Variants in ITPR2 observed in about 807,000 individuals in gnomAD.
ITPR2 encodes inositol 1,4,5-trisphosphate-gated calcium channel ITPR2.
In ITPR2, 207 loss-of-function variants were observed where a neutral mutation model predicts 317.1. The ratio of observed to expected loss-of-function variants is 0.65; its 90% CI spans 0.58 to 0.73. The LOEUF is 0.73. Ranked by LOEUF, ITPR2 falls within the 30% of genes least tolerant of loss-of-function variation. The pLI, the probability that ITPR2 is intolerant of heterozygous loss-of-function variation, is 0.00. For missense variants in ITPR2, 2,613 were observed against 3,284.0 expected (o/e 0.80, Z 4.99); for synonymous variants, 1,156 against 1,149.1 (o/e 1.01, Z -0.12).
At chr12:26,345,017 G>A (rs1204027140) in intron 55 of ITPR2, among the ~76,000 whole-genome samples, 1 of 151,730 alleles carries the variant, frequency 6.6e-6, no homozygotes, top group Non-Finnish European at 1.5e-5. Context: ...TCTGCTTCTT[G>A]TTCCACTCCT....
chr12:26,387,648 C>T (rs2136629258), intron 54 of ITPR2, 54 bp from the exon 55 acceptor site: 1 of 1,512,624 alleles, frequency 6.6e-7, no homozygotes, highest in Non-Finnish European at 9.0e-7. Flanking sequence ...TCAGTACTTG[C>T]TTCTTAGCAT....
intron 37 of ITPR2, 189 bp from the exon 38 acceptor site, chr12:26,495,449 T>G: frequency 3.9e-6 from 2 of 513,774 alleles, no homozygotes; most frequent in Non-Finnish European, 3.5e-6. Context: ...ATTTTGCTTC[T>G]CATAATAAAT....
At position 26,358,648 on chromosome 12, in the gene ITPR2, G is replaced by C. The variant is rs74796134; in HGVS notation, c.7858-18320C>G. ...TGAATTCTGTGTATTACAAATAATT[G>C]ATGATGTTGGGCACATCTCAGAACA... On this transcript the variant is annotated intron_variant, in intron 55 of 56. Transcript: ENST00000381340. Among the ~76,000 whole-genome samples the C allele has an allele frequency of 5.3e-4, 81 of 151,984 alleles. 2 individuals carry two copies. The East Asian group carries it at 0.015, about 29-fold the overall frequency.
At position 26,722,384 on chromosome 12, in the gene ITPR2, G is replaced by T; in HGVS notation, c.525+13C>A. On this transcript the variant is annotated intron_variant, in intron 5 of 56. Transcript: ENST00000381340. ...TGAACCCACTATTTCCCTCTTAATT[G>T]TATATTACATACATTGTCACCCTCG... 6.3e-7 allele frequency: 1 copy of T among 1,596,266 alleles called. No individual in the cohort carries two copies. Among genetic ancestry groups the T allele is most frequent in the Non-Finnish European group, 8.5e-7 (1 of 1,170,856 alleles).
At chr12:26,570,547 T>C (rs1200368162) in intron 34 of ITPR2, among the ~76,000 whole-genome samples, 1 of 152,208 alleles carries the variant, frequency 6.6e-6, no homozygotes, top group African/African-American at 2.4e-5. Flanking sequence ...ATGTACAATT[T>C]TTTGGGACAA....
At chr12:26,679,697 TG>T (rs1191817228) in intron 13 of ITPR2, among the ~76,000 whole-genome samples, 2 of 152,190 alleles carry the variant, frequency 1.3e-5, no homozygotes, top group Non-Finnish European at 2.9e-5. Context: ...TTTATTTTTT[TG>T]TATTTCAAAA....
At chr12:26,784,492 C>T (rs61920583) in intron 2 of ITPR2, among the ~76,000 whole-genome samples, 53,330 of 148,850 alleles carry the variant, frequency 0.36, 11,701 homozygotes, top group Non-Finnish European at 0.52. Context: ...CTGCGCACGC[C>T]GCCACGCCTG....
chr12:26,586,761 T>C (rs1423985743), intron 32 of ITPR2, among the ~76,000 whole-genome samples: 1 of 152,104 alleles, frequency 6.6e-6, no homozygotes, highest in African/African-American at 2.4e-5. Context: ...ACAAAATATA[T>C]AAAAACCACT....
At chr12:26,479,832 A>G (rs1024068441) in intron 43 of ITPR2, among the ~76,000 whole-genome samples, 4 of 152,186 alleles carry the variant, frequency 2.6e-5, no homozygotes, top group African/African-American at 9.7e-5. Context: ...CCAGCTTATC[A>G]GGAGGCAGAT....
chr12:26,420,235 T>A (rs889844542), intron 49 of ITPR2, among the ~76,000 whole-genome samples: 3 of 152,116 alleles, frequency 2.0e-5, no homozygotes, highest in African/African-American at 7.2e-5. Flanking sequence ...AATTACAGAT[T>A]TCAAGGGTTT....
intron 51 of ITPR2, among the ~76,000 whole-genome samples, chr12:26,414,801 A>T (rs1049861249): frequency 1.3e-5 from 2 of 152,138 alleles, no homozygotes; most frequent in Admixed American, 1.3e-4. Context: ...TATTTTGAGC[A>T]TGTCTTCCTT....
chr12:26,786,449 T>TAAAAAAAAA (rs59014121), intron 2 of ITPR2, among the ~76,000 whole-genome samples: 11 of 119,222 alleles, frequency 9.2e-5, no homozygotes, highest in African/African-American at 3.7e-4. Flanking sequence ...GAATGATCAA[T>TAAAAAAAAA]AAAAAAAAAA....
At chr12:26,530,778 G>A (rs910968780) in intron 37 of ITPR2, among the ~76,000 whole-genome samples, 2 of 151,436 alleles carry the variant, frequency 1.3e-5, no homozygotes, top group African/African-American at 4.8e-5. Context: ...AATAAATTCA[G>A]AAAAAAAAGA....
intron 22 of ITPR2, 42 bp from the exon 23 acceptor site, chr12:26,628,204 C>T: frequency 1.0e-5 from 15 of 1,503,096 alleles, no homozygotes; most frequent in East Asian, 2.3e-5. Flanking sequence ...CTTTCATTAG[C>T]ATAGTATTTA....
chr12:26,622,688 A>T (rs1025165275), intron 24 of ITPR2, among the ~76,000 whole-genome samples: 1 of 152,206 alleles, frequency 6.6e-6, no homozygotes, highest in African/African-American at 2.4e-5. Flanking sequence ...CTTGGCATAG[A>T]CAAAAGATGG....
At chr12:26,752,597 G>C (rs1949444807) in intron 2 of ITPR2, among the ~76,000 whole-genome samples, 2 of 152,188 alleles carry the variant, frequency 1.3e-5, no homozygotes, top group African/African-American at 4.8e-5. Context: ...TTTAGCATAT[G>C]ATCAAGAAAT....
rs1941540903 is a variant in ITPR2, at chr12:26,443,654, G to C, written c.6343-4C>G. ...ACAGTTTATTGTGGCGGGCCAACTAGAGTAGGGAAAAAATAAAGGTTTTAG... is the reference window on the plus strand; with the variant it reads ...ACAGTTTATTGTGGCGGGCCAACTACAGTAGGGAAAAAATAAAGGTTTTAG... On this transcript the variant is annotated splice_region_variant and splice_polypyrimidine_tract_variant and intron_variant, in intron 45 of 56. Coordinates refer to ENST00000381340, the MANE Select transcript of ITPR2 (RefSeq NM_002223.4). The C allele has an allele frequency of 6.2e-7, 1 of 1,611,214 alleles. No individual in the cohort carries two copies. The highest frequency in any genetic ancestry group is 1.1e-5 in the South Asian group (1 of 90,922).
chr12:26,802,904 A>G (rs1004172662), intron 1 of ITPR2, among the ~76,000 whole-genome samples: 1 of 152,178 alleles, frequency 6.6e-6, no homozygotes, highest in Non-Finnish European at 1.5e-5. Context: ...TTGTAAGGAT[A>G]TAAGTTTTGA....
At chr12:26,402,888 A>G (rs1305200002) in intron 52 of ITPR2, among the ~76,000 whole-genome samples, 2 of 152,114 alleles carry the variant, frequency 1.3e-5, no homozygotes, top group African/African-American at 4.8e-5. Flanking sequence ...GCCTCCTTTC[A>G]CTACTCCAAC....
Sources: allele counts gnomAD v4.1 joint callset (sites outside exome capture counted in the v4.1 genomes callset), GRCh38; gene constraint gnomAD v4.1.1; transcripts MANE v1.5; gene names NCBI Gene and HGNC (gene_info 2026-07-23, HGNC 2026-07-21).